Variants in VPS4B observed in about 807,000 individuals in gnomAD.
VPS4B encodes vacuolar protein sorting-associated protein 4B.
VPS4B carries 23 observed loss-of-function variants against 56.1 expected under a neutral mutation model. That is an observed-to-expected ratio of 0.41 (90% CI 0.30 to 0.58). The LOEUF is 0.58. Ranked by LOEUF, VPS4B falls within the 20% of genes least tolerant of loss-of-function variation. VPS4B has a pLI of 0.29. For missense variants in VPS4B, 372 were observed against 531.9 expected (o/e 0.70, Z 2.96); for synonymous variants, 177 against 186.0 (o/e 0.95, Z 0.39).
chr18:63,401,618 A>T (rs1048529665), intron 5 of VPS4B, among the ~76,000 whole-genome samples: 1 of 152,058 alleles, frequency 6.6e-6, no homozygotes, highest in African/African-American at 2.4e-5. Context: ...TTCGAGCCTC[A>T]ATTTTGCTAA....
chr18:63,404,090 C>A (rs1915867071), intron 4 of VPS4B, among the ~76,000 whole-genome samples: 3 of 152,088 alleles, frequency 2.0e-5, no homozygotes. Flanking sequence ...GAAAATAATA[C>A]CATCTGCCCA....
intron 9 of VPS4B, 70 bp from the exon 10 acceptor site, chr18:63,393,619 G>T: frequency 7.5e-7 from 1 of 1,335,568 alleles, no homozygotes; most frequent in Non-Finnish European, 9.8e-7. Flanking sequence ...TCCATTACCA[G>T]GAAAGTTAAA....
At chr18:63,392,889 G>C (rs938103970) in intron 10 of VPS4B, among the ~76,000 whole-genome samples, 6 of 152,034 alleles carry the variant, frequency 3.9e-5, no homozygotes, top group Non-Finnish European at 8.8e-5. Flanking sequence ...TGGATTGCAG[G>C]TGTGCACCAC....
rs762091236 is a variant in VPS4B, at chr18:63,422,213, C to G, written c.27+20G>C. 8 of 1,502,066 alleles carry G rather than the reference C, an allele frequency of 5.3e-6. No individual in the cohort carries two copies. The highest frequency in any genetic ancestry group is 7.1e-6 in the Non-Finnish European group (8 of 1,123,552). The allele number at this position is 1,502,066 out of a possible 1,614,324, so 93.0% of individuals were successfully genotyped here. A position where few individuals can be genotyped will look rare whatever the true frequency, so the allele number is the denominator to read the frequency against. On this transcript the variant is annotated intron_variant, in intron 1 of 10. Coordinates refer to ENST00000238497, the MANE Select transcript of VPS4B (RefSeq NM_004869.4). ...CCTCGATCCCAGCTCCCTAGGGGGACGGGAGATGAGCAATGATACCTGGAG... is the reference window on the plus strand; with the variant it reads ...CCTCGATCCCAGCTCCCTAGGGGGAGGGGAGATGAGCAATGATACCTGGAG...
chr18:63,403,363 T>C (rs1336481713), intron 5 of VPS4B, among the ~76,000 whole-genome samples: 1 of 152,236 alleles, frequency 6.6e-6, no homozygotes, highest in Non-Finnish European at 1.5e-5. Context: ...TATAACTGCT[T>C]TTTGATCTTT....
chr18:63,407,312 C>T, intron 4 of VPS4B, 120 bp downstream of exon 4: 1 of 887,092 alleles, frequency 1.1e-6, no homozygotes, highest in South Asian at 1.6e-5. Context: ...CTATTGGGAA[C>T]CAAAGCCAGT....
At chr18:63,421,837 G>T (rs1038364985) in intron 1 of VPS4B, among the ~76,000 whole-genome samples, 1 of 152,142 alleles carries the variant, frequency 6.6e-6, no homozygotes, top group African/African-American at 2.4e-5. Context: ...AGAATGAAGG[G>T]GTCTGCTGTC....
At chr18:63,394,836 T>G (rs949127798) in intron 9 of VPS4B, among the ~76,000 whole-genome samples, 2 of 152,128 alleles carry the variant, frequency 1.3e-5, no homozygotes, top group Non-Finnish European at 2.9e-5. Context: ...AGTGTAGATG[T>G]GAAGAAATAC....
chr18:63,398,718 C>T (rs555064170), intron 8 of VPS4B, among the ~76,000 whole-genome samples: 2 of 151,396 alleles, frequency 1.3e-5, no homozygotes, highest in Admixed American at 6.6e-5. Context: ...ACCTGTAGTC[C>T]CAGCTACTTG....
At chr18:63,406,513 A>G (rs369784908) in intron 4 of VPS4B, among the ~76,000 whole-genome samples, 16 of 152,364 alleles carry the variant, frequency 1.1e-4, no homozygotes, top group African/African-American at 3.8e-4. Flanking sequence ...CTATTTGGTA[A>G]GATTCAAATG....
Position 63,390,753 on chromosome 18 carries a change from G to T in VPS4B, c.*222C>A. ...TCTGTTTTTATGCCGTTCATATATC[G>T]CTCATTTCCTCATAACCTGTTATTT... On this transcript the variant is annotated 3_prime_UTR_variant, in exon 11 of 11. Coordinates refer to ENST00000238497, the MANE Select transcript of VPS4B (RefSeq NM_004869.4). 2 of 328,924 alleles carry T rather than the reference G, an allele frequency of 6.1e-6. No individual in the cohort carries two copies. The highest frequency in any genetic ancestry group is 5.5e-6 in the Non-Finnish European group (1 of 180,228). The allele number at this position is 328,924 out of a possible 1,614,324, so 20.4% of individuals were successfully genotyped here.
At chr18:63,409,664 GA>G (rs149978975) in intron 3 of VPS4B, among the ~76,000 whole-genome samples, 2,944 of 152,236 alleles carry the variant, frequency 0.019, 92 homozygotes, top group African/African-American at 0.068. Context: ...CCCCATCTAG[GA>G]AGACATGCCA....
At position 63,399,313 on chromosome 18, in the gene VPS4B, T is replaced by C. The variant is rs767731560; in HGVS notation, c.801A>G (p.Val267=). 1 of 1,614,000 alleles carries C rather than the reference T, an allele frequency of 6.2e-7. No homozygotes were observed. The highest frequency in any genetic ancestry group is 1.1e-5 in the South Asian group (1 of 91,064). The change falls in exon 8 of 11, where the codon GTA becomes GTG. Residue 267 remains valine, a synonymous_variant. Transcript: ENST00000238497. ...CCAGAACCAAAATTCCATCATTGTC[T>C]ACACCAACCCCTGCATTAAAATAGG... is the stretch of plus-strand genomic sequence containing the variant. ...EFLVQMQGVG[V]DNDGILVLGA...
At chr18:63,400,454 T>G in intron 6 of VPS4B, 93 bp downstream of exon 6, 1 of 1,343,088 alleles carries the variant, frequency 7.4e-7, no homozygotes, top group Non-Finnish European at 1.0e-6. Context: ...ATGACTTCTC[T>G]GAATATCTAT....
intron 10 of VPS4B, among the ~76,000 whole-genome samples, chr18:63,391,426 G>A (rs905648112): frequency 1.3e-5 from 2 of 152,002 alleles, no homozygotes; most frequent in Admixed American, 6.6e-5. Context: ...ATGGGGTTTC[G>A]TTTTGTTGGT....
At chr18:63,404,552 G>A (rs1225835055) in intron 4 of VPS4B, 1 of 152,170 alleles carries the variant, frequency 6.6e-6, no homozygotes, top group African/African-American at 2.4e-5. Flanking sequence ...AAAAGCCAAA[G>A]CAATTATTGC....
At chr18:63,396,784 T>C in intron 9 of VPS4B, 1 of 398,584 alleles carries the variant, frequency 2.5e-6, no homozygotes. Flanking sequence ...GAGTCAGGAG[T>C]TCGAGACCAG....
intron 1 of VPS4B, among the ~76,000 whole-genome samples, chr18:63,412,122 G>C (rs747553653): frequency 1.6e-4 from 24 of 152,182 alleles, no homozygotes; most frequent in Admixed American, 9.2e-4. Flanking sequence ...GATATTATCA[G>C]AGAGGTCTTT....
At chr18:63,395,905 ATG>A (rs2144412502) in intron 9 of VPS4B, among the ~76,000 whole-genome samples, 1 of 152,322 alleles carries the variant, frequency 6.6e-6, no homozygotes, top group South Asian at 2.1e-4. Context: ...GGCAAATCAC[ATG>A]TCTGTCCCAC....
Sources: gnomAD v4.1 joint callset for allele counts (sites outside exome capture counted in the v4.1 genomes callset) on GRCh38, gnomAD v4.1.1 for gene constraint, MANE v1.5 for transcripts, NCBI Gene and HGNC (gene_info 2026-07-23, HGNC 2026-07-21) for gene names.